The following GABRB1 variants were observed in gnomAD, a reference collection of about 807,000 sequenced individuals.
GABRB1 encodes the protein gamma-aminobutyric acid receptor subunit beta-1.
In GABRB1, 17 loss-of-function variants were observed where a neutral mutation model predicts 51.6. That is an observed-to-expected ratio of 0.33 (90% CI 0.23 to 0.49). The LOEUF (loss-of-function observed/expected upper bound fraction) is 0.49. Ranked by LOEUF, GABRB1 falls within the 20% of genes least tolerant of loss-of-function variation. GABRB1 has a pLI of 0.99. For synonymous variants in GABRB1, 247 were observed against 218.9 expected (o/e 1.13, Z -1.14); for missense variants, 410 against 600.6 (o/e 0.68, Z 3.32).
At chr4:47,231,668 G>T (rs1035989790) in intron 4 of GABRB1, among the ~76,000 whole-genome samples, 5 of 152,256 alleles carry the variant, frequency 3.3e-5, no homozygotes, top group Non-Finnish European at 5.9e-5. Flanking sequence ...TTTTCATATT[G>T]ACCAAAAAAT....
chr4:47,401,801 CATCT>C (rs750985114), intron 5 of GABRB1, among the ~76,000 whole-genome samples: 10 of 67,170 alleles, frequency 1.5e-4, no homozygotes, highest in African/African-American at 5.3e-4. Flanking sequence ...CATCAAATTC[CATCT>C]ATCTATCTAT....
chr4:47,355,451 A>G (rs1726531917), intron 5 of GABRB1, among the ~76,000 whole-genome samples: 1 of 152,160 alleles, frequency 6.6e-6, no homozygotes, highest in Non-Finnish European at 1.5e-5. Flanking sequence ...ATATCCTTTC[A>G]GAATGAAGGG....
At chr4:47,398,567 G>C (rs574926674) in intron 5 of GABRB1, among the ~76,000 whole-genome samples, 5 of 152,102 alleles carry the variant, frequency 3.3e-5, no homozygotes, top group Non-Finnish European at 5.9e-5. Context: ...TAGAGAGAGA[G>C]AGAGAGAGAG....
intron 3 of GABRB1, among the ~76,000 whole-genome samples, chr4:47,033,200 G>A (rs1056227105): frequency 8.5e-5 from 13 of 152,158 alleles, no homozygotes; most frequent in Admixed American, 5.9e-4. Flanking sequence ...TAAAAATCCT[G>A]ATAATTTAAG....
chr4:47,281,839 C>G (rs1723304274), intron 4 of GABRB1, among the ~76,000 whole-genome samples: 1 of 151,960 alleles, frequency 6.6e-6, no homozygotes, highest in Non-Finnish European at 1.5e-5. Flanking sequence ...AAAAATCAAT[C>G]TCATAGAGAA....
chr4:47,032,954 A>G (rs1725398889), intron 3 of GABRB1: 1 of 350,586 alleles, frequency 2.9e-6, no homozygotes, highest in Non-Finnish European at 5.7e-6. Context: ...CCGAGAGCAC[A>G]GTCTGGGTTT....
In GABRB1 at chr4:47,054,175, A is replaced by G. The variant is rs574897869; in HGVS notation, c.240+21691A>G. ...AGTTTTTTTTTTCTGTCATATCTGC[A>G]TATAAAAGGCTCCTGAGTGGTCTGA... On this transcript the variant is annotated intron_variant, in intron 3 of 8. Transcript: ENST00000295454. Among the ~76,000 whole-genome samples the G allele has an allele frequency of 9.2e-4, 140 of 151,902 alleles. 2 individuals carry two copies. The highest frequency in any genetic ancestry group is 3.1e-3 in the African/African-American group (128 of 41,408).
intron 3 of GABRB1, among the ~76,000 whole-genome samples, chr4:47,145,264 T>C (rs1314875802): frequency 1.3e-5 from 2 of 152,012 alleles, no homozygotes; most frequent in African/African-American, 2.4e-5. Context: ...TTTGGACTTA[T>C]GGCAGCTACA....
intron 4 of GABRB1, among the ~76,000 whole-genome samples, chr4:47,287,959 T>C (rs981144900): frequency 6.6e-6 from 1 of 152,218 alleles, no homozygotes; most frequent in East Asian, 1.9e-4. Flanking sequence ...CTTTCAGATA[T>C]GACCACAGTC....
chr4:47,298,209 C>T (rs1366922488), intron 4 of GABRB1, among the ~76,000 whole-genome samples: 1 of 152,182 alleles, frequency 6.6e-6, no homozygotes, highest in Non-Finnish European at 1.5e-5. Flanking sequence ...CTCACCACTC[C>T]TATTCAACAT....
intron 8 of GABRB1, among the ~76,000 whole-genome samples, chr4:47,420,858 A>T (rs932694957): frequency 1.3e-5 from 2 of 152,076 alleles, no homozygotes; most frequent in Admixed American, 6.6e-5. Context: ...CCACATGTAT[A>T]CCTTACCTGA....
chr4:47,192,006 A>T (rs1398261355), intron 4 of GABRB1, among the ~76,000 whole-genome samples: 1 of 152,166 alleles, frequency 6.6e-6, no homozygotes, highest in Non-Finnish European at 1.5e-5. Flanking sequence ...ATTTTAAAAC[A>T]TAATTAAATA....
At chr4:47,075,690 G>A (rs1404953280) in intron 3 of GABRB1, among the ~76,000 whole-genome samples, 1 of 152,080 alleles carries the variant, frequency 6.6e-6, no homozygotes, top group East Asian at 1.9e-4. Flanking sequence ...ATTACTACTT[G>A]CCACACCAGT....
intron 5 of GABRB1, among the ~76,000 whole-genome samples, chr4:47,388,702 C>T (rs1184322982): frequency 6.6e-6 from 1 of 151,996 alleles, no homozygotes; most frequent in Non-Finnish European, 1.5e-5. Flanking sequence ...CATGACTACC[C>T]CTAAGTTTAG....
intron 3 of GABRB1, among the ~76,000 whole-genome samples, chr4:47,044,721 T>C (rs1726010445): frequency 6.6e-6 from 1 of 152,112 alleles, no homozygotes; most frequent in Non-Finnish European, 1.5e-5. Context: ...TAACATTAAC[T>C]CACATTATGC....
chr4:47,036,467 A>T (rs981253797), intron 3 of GABRB1, among the ~76,000 whole-genome samples: 1 of 152,114 alleles, frequency 6.6e-6, no homozygotes, highest in Non-Finnish European at 1.5e-5. Flanking sequence ...GAGGTGTGGG[A>T]TGGGGCCTGA....
At chr4:47,380,428 A>G (rs1223688587) in intron 5 of GABRB1, among the ~76,000 whole-genome samples, 3 of 152,228 alleles carry the variant, frequency 2.0e-5, no homozygotes, top group Non-Finnish European at 4.4e-5. Context: ...GAAAATCAGT[A>G]GCCAGAAGTG....
chr4:47,079,905 G>C (rs572263146), intron 3 of GABRB1, among the ~76,000 whole-genome samples: 1 of 151,574 alleles, frequency 6.6e-6, no homozygotes, highest in South Asian at 2.1e-4. Context: ...TTTAAATGAC[G>C]AGTTAATGGG....
chr4:47,173,769 T>C (rs1718541747), intron 4 of GABRB1, among the ~76,000 whole-genome samples: 1 of 152,148 alleles, frequency 6.6e-6, no homozygotes, highest in Non-Finnish European at 1.5e-5. Flanking sequence ...GTATCCTACA[T>C]ATCGTTAGCT....
Sources: allele counts gnomAD v4.1 joint callset (sites outside exome capture counted in the v4.1 genomes callset), GRCh38; gene constraint gnomAD v4.1.1; transcripts MANE v1.5; gene names NCBI Gene and HGNC (gene_info 2026-07-23, HGNC 2026-07-21).